TNFSF4: variants seen among roughly 807,000 people sequenced by gnomAD.
The protein encoded by TNFSF4 is TNF superfamily member 4.
In TNFSF4, 4 loss-of-function variants were observed where a neutral mutation model predicts 7.3. The observed-to-expected ratio is 0.55, with a 90% confidence interval of 0.27 to 1.25. The LOEUF is 1.25. TNFSF4 is among the 50% of genes most tolerant of loss of function. TNFSF4 has a pLI of 0.12. For missense variants in TNFSF4, 181 were observed against 208.8 expected (o/e 0.87, Z 0.82); for synonymous variants, 76 against 83.7 (o/e 0.91, Z 0.50).
the TNFSF4 span, chr1:173,362,529 T>C: frequency 1.8e-6 from 1 of 542,658 alleles, no homozygotes; most frequent in Non-Finnish European, 3.7e-6. Flanking sequence ...GGTTGGCTTT[T>C]GCCTCCATCC....
the TNFSF4 span, among the ~76,000 whole-genome samples, chr1:173,375,138 C>T: frequency 3.3e-5 from 5 of 152,180 alleles, no homozygotes; most frequent in South Asian, 2.1e-4. Context: ...TACTCGCCTT[C>T]GGATCCTGTA....
At chr1:173,194,175 A>T (rs999128973) in intron 1 of TNFSF4, among the ~76,000 whole-genome samples, 24 of 152,138 alleles carry the variant, frequency 1.6e-4, no homozygotes, top group Admixed American at 7.9e-4. Context: ...TGCTCAAGAA[A>T]TTTTTTCTCT....
chr1:173,187,423 C>T (rs1165069974), intron 2 of TNFSF4, among the ~76,000 whole-genome samples: 2 of 152,226 alleles, frequency 1.3e-5, no homozygotes, highest in African/African-American at 2.4e-5. Context: ...CAACTCTTGC[C>T]TTTCTGTCAT....
chr1:173,330,840 T>A, the TNFSF4 span, among the ~76,000 whole-genome samples: 1 of 152,046 alleles, frequency 6.6e-6, no homozygotes, highest in Non-Finnish European at 1.5e-5. Flanking sequence ...TACCTTCAGA[T>A]GCCAATTTAA....
chr1:173,369,837 C>CT, the TNFSF4 span, among the ~76,000 whole-genome samples: 23 of 151,154 alleles, frequency 1.5e-4, no homozygotes, highest in East Asian at 9.7e-4. Flanking sequence ...TATGTCCAAG[C>CT]TTTTTTTTTC....
intron 1 of TNFSF4, chr1:173,205,252 C>G (rs1422166319): frequency 6.2e-7 from 1 of 1,600,524 alleles, no homozygotes. Context: ...CCACCTATGT[C>G]TTGCTTCCAT....
chr1:173,338,306 C>A, the TNFSF4 span, among the ~76,000 whole-genome samples: 2 of 152,168 alleles, frequency 1.3e-5, no homozygotes, highest in Admixed American at 1.3e-4. Context: ...AATGCTTCTG[C>A]CAAAACTATC....
At chr1:173,273,673 A>G in the TNFSF4 span, among the ~76,000 whole-genome samples, 1 of 152,094 alleles carries the variant, frequency 6.6e-6, no homozygotes, top group Admixed American at 6.6e-5. Flanking sequence ...ATTAGACCAT[A>G]ATAGCCATGG....
the TNFSF4 span, among the ~76,000 whole-genome samples, chr1:173,335,404 A>G: frequency 6.6e-6 from 1 of 152,172 alleles, no homozygotes; most frequent in Non-Finnish European, 1.5e-5. Context: ...TAGGGGCCAG[A>G]CATTACAGTA....
the TNFSF4 span, among the ~76,000 whole-genome samples, chr1:173,284,816 T>C: frequency 6.6e-6 from 1 of 152,260 alleles, no homozygotes; most frequent in South Asian, 2.1e-4. Context: ...AAAGAGTTCT[T>C]TCAAAACATT....
chr1:173,188,564 T>A lies in TNFSF4; in HGVS notation c.159A>T (p.Ser53=). The A allele has an allele frequency of 1.2e-6, 2 of 1,612,016 alleles. No homozygotes were observed. The highest frequency in any genetic ancestry group is 1.7e-6 in the Non-Finnish European group (2 of 1,178,398). Residue 53 remains serine, a synonymous_variant, in exon 2 of 3, where the codon TCA becomes TCT. Transcript: ENST00000281834. ...TACTTTGAATTCGAGGATACCGATG[T>A]GATACCTGAGGGAGGAAGAAAGACA... ...ICLHFSALQV[S]HRYPRIQSIK...
chr1:173,445,471 A>G, the TNFSF4 span, among the ~76,000 whole-genome samples: 5 of 152,070 alleles, frequency 3.3e-5, no homozygotes, highest in Admixed American at 3.3e-4. Flanking sequence ...TCCCTCCCCC[A>G]TTTTCACAGC....
At chr1:173,397,038 C>T in the TNFSF4 span, among the ~76,000 whole-genome samples, 47 of 152,126 alleles carry the variant, frequency 3.1e-4, no homozygotes, top group African/African-American at 1.1e-3. Flanking sequence ...GGCATGGTTA[C>T]CATCATGGAC....
chr1:173,175,692 T>C, the TNFSF4 span, among the ~76,000 whole-genome samples: 1 of 152,224 alleles, frequency 6.6e-6, no homozygotes, highest in Non-Finnish European at 1.5e-5. Flanking sequence ...TTTGAGAGGC[T>C]CTTGTTTTAT....
At chr1:173,387,142 G>A in the TNFSF4 span, among the ~76,000 whole-genome samples, 1 of 152,176 alleles carries the variant, frequency 6.6e-6, no homozygotes. Flanking sequence ...TGCAATGAAG[G>A]TATTTTGTAT....
chr1:173,286,519 T>G, the TNFSF4 span, among the ~76,000 whole-genome samples: 3 of 152,332 alleles, frequency 2.0e-5, no homozygotes, highest in South Asian at 6.2e-4. Context: ...ATTCAATAGA[T>G]AGTGATGGAT....
chr1:173,205,588 C>T (rs1650152745), intron 1 of TNFSF4: 18 of 1,186,234 alleles, frequency 1.5e-5, no homozygotes, highest in African/African-American at 3.2e-5. Context: ...AAATATGTAA[C>T]ACTGTGGTTG....
At chr1:173,442,597 T>G in the TNFSF4 span, among the ~76,000 whole-genome samples, 1 of 142,476 alleles carries the variant, frequency 7.0e-6, no homozygotes, top group Non-Finnish European at 1.5e-5. Context: ...TCGTCCAGGC[T>G]GGAGTGCAGT....
chr1:173,234,772 C>T, the TNFSF4 span, among the ~76,000 whole-genome samples: 4 of 152,058 alleles, frequency 2.6e-5, no homozygotes, highest in Non-Finnish European at 5.9e-5. Context: ...GGAAGGGGAA[C>T]ATCACACACC....
Sources: allele counts gnomAD v4.1 joint callset (sites outside exome capture counted in the v4.1 genomes callset), GRCh38; gene constraint gnomAD v4.1.1; transcripts MANE v1.5; gene names NCBI Gene and HGNC (gene_info 2026-07-23, HGNC 2026-07-21).